Variants in KLHL6 observed in about 807,000 individuals in gnomAD.
The protein encoded by KLHL6 is kelch like family member 6.
In KLHL6, 41 loss-of-function variants were observed where a neutral mutation model predicts 58.6. That is an observed-to-expected ratio of 0.70 (90% CI 0.55 to 0.91). The LOEUF (loss-of-function observed/expected upper bound fraction) is 0.91. Ranked by LOEUF, KLHL6 falls within the 40% of genes least tolerant of loss-of-function variation. KLHL6 has a pLI of 0.00. For missense variants in KLHL6, 714 were observed against 805.6 expected (o/e 0.89, Z 1.38); for synonymous variants, 338 against 322.7 (o/e 1.05, Z -0.51).
chr3:183,531,443 G>GT (rs59579259), intron 1 of KLHL6, among the ~76,000 whole-genome samples: 1,241 of 90,060 alleles, frequency 0.014, 81 homozygotes, highest in African/African-American at 0.028. Flanking sequence ...TTTTGTCTGT[G>GT]TTTTTTTTTT....
At chr3:183,536,173 T>G (rs77570419) in intron 1 of KLHL6, among the ~76,000 whole-genome samples, 2,184 of 152,076 alleles carry the variant, frequency 0.014, 46 homozygotes, top group African/African-American at 0.05. Context: ...AGACCCCCTC[T>G]GCTAGTGACG....
chr3:183,552,513 T>C (rs1455123668), intron 1 of KLHL6, among the ~76,000 whole-genome samples: 1 of 151,666 alleles, frequency 6.6e-6, no homozygotes, highest in Non-Finnish European at 1.5e-5. Flanking sequence ...GGTCAGGAGA[T>C]GGAGACCATC....
intron 2 of KLHL6, among the ~76,000 whole-genome samples, chr3:183,515,423 C>T (rs1358669869): frequency 6.6e-6 from 1 of 152,118 alleles, no homozygotes; most frequent in Non-Finnish European, 1.5e-5. Context: ...TGTTGCATGC[C>T]TATAGTCCCA....
At chr3:183,549,854 C>T (rs2108699957) in intron 1 of KLHL6, among the ~76,000 whole-genome samples, 1 of 152,140 alleles carries the variant, frequency 6.6e-6, no homozygotes, top group East Asian at 1.9e-4. Context: ...TCAGGAGGAT[C>T]CCTTGAGCCC....
chr3:183,506,682 G>A (rs927210631), intron 3 of KLHL6, among the ~76,000 whole-genome samples: 5 of 151,904 alleles, frequency 3.3e-5, no homozygotes, highest in African/African-American at 1.2e-4. Flanking sequence ...TTAAAAATTA[G>A]CCGGGTGTGG....
At chr3:183,517,275 T>C (rs1027468837) in intron 2 of KLHL6, among the ~76,000 whole-genome samples, 8 of 152,178 alleles carry the variant, frequency 5.3e-5, no homozygotes, top group African/African-American at 9.7e-5. Context: ...GTAAAGTTCC[T>C]CTCCTGTGAG....
At chr3:183,549,738 C>T (rs113490705) in intron 1 of KLHL6, among the ~76,000 whole-genome samples, 14,985 of 152,094 alleles carry the variant, frequency 0.099, 1,118 homozygotes, top group African/African-American at 0.21. Flanking sequence ...TAAATAGGAA[C>T]AGATATCCAA....
intron 4 of KLHL6, among the ~76,000 whole-genome samples, chr3:183,496,393 A>T (rs1416318565): frequency 6.6e-6 from 1 of 152,240 alleles, no homozygotes; most frequent in Non-Finnish European, 1.5e-5. Context: ...CACTGATTGA[A>T]CTGTAAATTG....
At chr3:183,530,910 C>A (rs1249048180) in intron 1 of KLHL6, among the ~76,000 whole-genome samples, 2 of 150,250 alleles carry the variant, frequency 1.3e-5, no homozygotes, top group Non-Finnish European at 2.9e-5. Flanking sequence ...CGGCTCACTG[C>A]AACCTCTGCC....
intron 1 of KLHL6, among the ~76,000 whole-genome samples, chr3:183,530,956 G>A (rs1418936191): frequency 6.6e-5 from 10 of 151,222 alleles, no homozygotes; most frequent in Non-Finnish European, 1.3e-4. Context: ...CTTAGCCTCT[G>A]GAGTAGCTGG....
In KLHL6 at chr3:183,492,797, A is replaced by G; in HGVS notation, c.1351-90T>C. On this transcript the variant is annotated intron_variant, in intron 5 of 6. Transcript: ENST00000341319. The surrounding 1 kb of genome is among the most constrained non-coding windows in gnomAD (Gnocchi z 5.9). ...CCAGGATACAGGACAGAGCTCCGGG[A>G]CACAGAACTGGGCATCTTTTGCCTA... 1 of 1,210,572 alleles carries G rather than the reference A, an allele frequency of 8.3e-7. No individual in the cohort carries two copies. 75.0% of individuals were successfully genotyped at this position (1,210,572 alleles called of 1,614,324 possible).
chr3:183,499,533 C>T lies in KLHL6; in HGVS notation c.1147+57G>A, dbSNP rs949233333. 4 of 1,210,786 alleles carry T rather than the reference C, an allele frequency of 3.3e-6. No homozygotes were observed. In the African/African-American group the frequency reaches 4.6e-5, roughly 14 times the overall value. The allele number at this position is 1,210,786 out of a possible 1,614,324, so 75.0% of individuals were successfully genotyped here. On this transcript the variant is annotated intron_variant, in intron 4 of 6. Coordinates refer to ENST00000341319, the MANE Select transcript of KLHL6 (RefSeq NM_130446.4). The surrounding 1 kb of genome is among the most constrained non-coding windows in gnomAD (Gnocchi z 4.6). ...CTAGGATGGTTGCCTGGCTGCCACT[C>T]AGGAATATATGTAGTGCTACTGGAG...
chr3:183,497,298 G>C (rs1303187863), intron 4 of KLHL6, among the ~76,000 whole-genome samples: 4 of 152,224 alleles, frequency 2.6e-5, no homozygotes, highest in African/African-American at 9.7e-5. Context: ...TGTAGTCCCA[G>C]CTACTCAGGA....
intron 1 of KLHL6, chr3:183,551,953 T>G (rs1712931526): frequency 6.6e-6 from 1 of 152,136 alleles, no homozygotes; most frequent in Admixed American, 6.5e-5. Flanking sequence ...AAAAAAGAAC[T>G]GCAGATGCCC....
At chr3:183,502,561 T>G (rs1310479391) in intron 3 of KLHL6, among the ~76,000 whole-genome samples, 11 of 152,182 alleles carry the variant, frequency 7.2e-5, no homozygotes, top group Non-Finnish European at 1.6e-4. Context: ...GCTCTCTCAG[T>G]CTTTCTTAGG....
rs781535635 is a variant in KLHL6, at chr3:183,492,201, T to A, written c.1592A>T (p.Tyr531Phe). 6.2e-7 allele frequency: 1 copy of A among 1,611,140 alleles called. No homozygotes were observed. The highest frequency in any genetic ancestry group is 2.2e-5 in the East Asian group (1 of 44,834). Residue 531 changes from tyrosine to phenylalanine, a missense_variant, in exon 7 of 7, where the codon TAC (tyrosine) becomes TTC (phenylalanine). This residue lies in a region of KLHL6 where 510 missense variants were observed against 629.7 expected (regional missense o/e 0.81). Transcript: ENST00000341319. The surrounding 1 kb of genome is among the most constrained non-coding windows in gnomAD (Gnocchi z 5.9). ...VGGAMRALYA[Y>F]SPLEDSWCLV... ...GCACCAGCTGTCTTCCAGCGGGCTG[T>A]AGGCGTACAGCGCTCTCATGGCCCC...
At chr3:183,531,712 CTGGGATTACAGGCG>C (rs1712171434) in intron 1 of KLHL6, among the ~76,000 whole-genome samples, 1 of 152,130 alleles carries the variant, frequency 6.6e-6, no homozygotes, top group Non-Finnish European at 1.5e-5. Context: ...TCCCAAAGTG[CTGGGATTACAGGCG>C]TGAGCCACCG....
intron 1 of KLHL6, among the ~76,000 whole-genome samples, chr3:183,551,725 A>G (rs77600861): frequency 0.013 from 2,000 of 152,354 alleles, 35 homozygotes; most frequent in African/African-American, 0.046. Flanking sequence ...GCAGAAATAT[A>G]GAGCTAGTGC....
chr3:183,527,968 C>A lies in KLHL6; in HGVS notation c.336G>T (p.Arg112Ser). The A allele has an allele frequency of 1.2e-6, 2 of 1,614,002 alleles. No homozygotes were observed. Among genetic ancestry groups the A allele is most frequent in the Non-Finnish European group, 8.5e-7 (1 of 1,179,994 alleles). The change falls in exon 2 of 7, where the codon AGG (arginine) becomes AGT (serine). Residue 112 changes from arginine to serine, a missense_variant. Coordinates refer to ENST00000341319, the MANE Select transcript of KLHL6 (RefSeq NM_130446.4). ...CAGCATCAACCCCTTTAATAATGAT[C>A]CTTTTCTCATACTTTTCCTTTAAAT... The part of the protein sequence containing the change: ...CNDLKEKYEK[R>S]IIIKGVDAET...
Sources: gnomAD v4.1 joint callset for allele counts (sites outside exome capture counted in the v4.1 genomes callset) on GRCh38, gnomAD v4.1.1 for gene constraint, gnomAD v4.1.1 regional missense constraint, Gnocchi (gnomAD v3.1) non-coding constraint, MANE v1.5 for transcripts, NCBI Gene and HGNC (gene_info 2026-07-23, HGNC 2026-07-21) for gene names.